RASA3: variants seen among roughly 807,000 people sequenced by gnomAD.
RASA3 encodes the protein ras GTPase-activating protein 3.
A neutral mutation model predicts 110.0 loss-of-function variants in RASA3; 73 were observed. That is an observed-to-expected ratio of 0.66 (90% CI 0.55 to 0.81). RASA3 has a LOEUF of 0.81. Ranked by LOEUF, RASA3 falls within the 30% of genes least tolerant of loss-of-function variation. RASA3 has a pLI of 0.00. For synonymous variants in RASA3, 500 were observed against 451.4 expected, an observed-to-expected ratio of 1.11 and a Z score of -1.37; for missense variants, 976 against 1,113.2, an observed-to-expected ratio of 0.88 and a Z score of 1.75.
intron 16 of RASA3, 34 bp from the exon 17 acceptor site, chr13:114,009,498 C>A: frequency 7.1e-7 from 1 of 1,412,656 alleles, no homozygotes; most frequent in Non-Finnish European, 1.0e-6. Context: ...GAGGACAGCC[C>A]GAAGTACCTC....
At chr13:114,103,519 A>C (rs1319349109) in intron 1 of RASA3, among the ~76,000 whole-genome samples, 7 of 147,096 alleles carry the variant, frequency 4.8e-5, no homozygotes, top group Non-Finnish European at 9.0e-5. Flanking sequence ...CAGCACCACC[A>C]CCCCCGATGC....
rs148432406 is a variant in RASA3 at position 114,012,388 on chromosome 13, G to A, written c.1512+754C>T. Among the ~76,000 whole-genome samples the A allele has an allele frequency of 3.0e-3, 320 of 106,880 alleles. 1 individual carries two copies. Among genetic ancestry groups the A allele is most frequent in the African/African-American group, 0.011 (299 of 27,464 alleles). 70.1% of individuals were successfully genotyped at this position (106,880 alleles called of 152,430 possible). A position where few individuals can be genotyped will look rare whatever the true frequency, so the allele number is the denominator to read the frequency against. On this transcript the variant is annotated intron_variant, in intron 15 of 23. Transcript: ENST00000334062. ...ATTCCACACACCTTCCACACTCCCC[G>A]TGCACCGTCCACACACTCCACACAC... is the stretch of plus-strand genomic sequence containing the variant.
Position 113,993,318 on chromosome 13 carries a change from G to A in RASA3, c.2142-730C>T, listed in dbSNP as rs536253351. Among the ~76,000 whole-genome samples the A allele has an allele frequency of 1.7e-3, 259 of 152,048 alleles. 1 individual carries two copies. The highest frequency in any genetic ancestry group is 4.1e-3 in the African/African-American group (170 of 41,496). ...AGCCTCCTGAGTAGCTGGGATTATA[G>A]GCACACACCACCACGCCTGGCTAAT... On this transcript the variant is annotated intron_variant, in intron 21 of 23. Transcript: ENST00000334062.
intron 3 of RASA3, among the ~76,000 whole-genome samples, chr13:114,041,455 T>G (rs1269223399): frequency 3.3e-5 from 5 of 152,268 alleles, no homozygotes; most frequent in Admixed American, 1.3e-4. Context: ...GGCTTCGCTG[T>G]GAAGGCGCGA....
intron 6 of RASA3, 130 bp downstream of exon 6, chr13:114,027,717 A>AAAGAAAAC: frequency 9.7e-7 from 1 of 1,028,524 alleles, no homozygotes; most frequent in Non-Finnish European, 1.5e-6. Flanking sequence ...AAAAGGAAGT[A>AAAGAAAAC]AAAATTCACA....
In RASA3 at chr13:114,009,398, C is replaced by T. The variant is rs866631348; in HGVS notation, c.1657G>A (p.Ala553Thr). 7 of 1,611,912 alleles carry T rather than the reference C, an allele frequency of 4.3e-6. No individual in the cohort carries two copies. In the Middle Eastern group the frequency reaches 9.9e-4, roughly 228 times the overall value. The change falls in exon 17 of 24, where the codon GCG becomes ACG. Residue 553 changes from alanine to threonine, a missense_variant. This residue lies in a region of RASA3 where 732 missense variants were observed against 779.7 expected (regional missense o/e 0.94). Transcript: ENST00000334062. ...EFFNEQKYAD[A>T]VKNFLDLISS... ...GAGTCGATACTTACGTTCTTCACCGCATCAGCATATTTCTGCTCATTGAAG... is the reference window on the plus strand; with the variant it reads ...GAGTCGATACTTACGTTCTTCACCGTATCAGCATATTTCTGCTCATTGAAG...
chr13:114,022,725 C>T (rs1211786359), intron 8 of RASA3, among the ~76,000 whole-genome samples: 7 of 152,178 alleles, frequency 4.6e-5, no homozygotes, highest in South Asian at 4.1e-4. Context: ...GCCAGGCAGG[C>T]GCATTTGCCT....
At chr13:114,103,514 C>T (rs1400496747) in intron 1 of RASA3, among the ~76,000 whole-genome samples, 2 of 151,424 alleles carry the variant, frequency 1.3e-5, no homozygotes, top group Non-Finnish European at 2.9e-5. Context: ...CGGCTCAGCA[C>T]CACCACCCCC....
At position 114,108,896 on chromosome 13, in the gene RASA3, G is replaced by C. The variant is rs1467813137; in HGVS notation, c.55+23539C>G. 3 of 152,260 alleles carry C rather than the reference G, an allele frequency of 2.0e-5. No individual in the cohort carries two copies. In the East Asian group the frequency reaches 5.8e-4, roughly 29 times the overall value. 9.4% of individuals were successfully genotyped at this position (152,260 alleles called of 1,614,324 possible). On this transcript the variant is annotated intron_variant, in intron 1 of 23. Transcript: ENST00000334062. ...AAACAGCAGAACTGGCAGCAACACA[G>C]GCATCCTGCAGTTCAGTCCACTGCA...
In RASA3 at chr13:114,088,126, G is replaced by A. The variant is rs547123689; in HGVS notation, c.56-14289C>T. On this transcript the variant is annotated intron_variant, in intron 1 of 23. Coordinates refer to ENST00000334062, the MANE Select transcript of RASA3 (RefSeq NM_007368.4). ...AGCCTGGATGACAGAGTGAGGCCCTGTCTCAAAAAAAAATAAAAGGAAAGA... is the reference window on the plus strand; with the variant it reads ...AGCCTGGATGACAGAGTGAGGCCCTATCTCAAAAAAAAATAAAAGGAAAGA... Among the ~76,000 whole-genome samples the A allele has an allele frequency of 3.8e-4, 13 of 34,452 alleles. No individual in the cohort carries two copies. In the East Asian group the frequency reaches 7.8e-3, roughly 21 times the overall value. 22.6% of individuals were successfully genotyped at this position (34,452 alleles called of 152,430 possible).
rs557005360 is a variant in RASA3, at chr13:114,057,141, G to A, written c.174-4986C>T. ...GTGAGTGTTTTGCATGTCTGATGTC[G>A]TTTATTCTAGTGGTTCCAATTGCCT... On this transcript the variant is annotated intron_variant, in intron 2 of 23. Coordinates refer to ENST00000334062, the MANE Select transcript of RASA3 (RefSeq NM_007368.4). The surrounding 1 kb of genome is among the most constrained non-coding windows in gnomAD (Gnocchi z 5.0). The A allele has an allele frequency of 3.9e-4, 364 of 930,774 alleles. 1 individual carries two copies. The Middle Eastern group carries it at 4.4e-3, about 11-fold the overall frequency. 57.7% of individuals were successfully genotyped at this position (930,774 alleles called of 1,614,324 possible).
At chr13:114,117,969 G>A (rs2080317817) in intron 1 of RASA3, among the ~76,000 whole-genome samples, 2 of 151,932 alleles carry the variant, frequency 1.3e-5, no homozygotes, top group Non-Finnish European at 2.9e-5. Flanking sequence ...GCATGCACAC[G>A]CACCTGTGTG....
At chr13:114,059,367 G>A (rs568467903) in intron 2 of RASA3, among the ~76,000 whole-genome samples, 6 of 152,362 alleles carry the variant, frequency 3.9e-5, no homozygotes, top group South Asian at 2.1e-4. Context: ...TATATGGCAC[G>A]TCTAAATGTA....
At chr13:114,060,534 G>A (rs1019126515) in intron 2 of RASA3, among the ~76,000 whole-genome samples, 3 of 152,216 alleles carry the variant, frequency 2.0e-5, no homozygotes, top group Non-Finnish European at 4.4e-5. Flanking sequence ...TCATGGGGAC[G>A]ACAGGAATTC....
At chr13:114,069,925 T>G (rs111216648) in intron 2 of RASA3, among the ~76,000 whole-genome samples, 1 of 4,648 alleles carries the variant, frequency 2.2e-4, no homozygotes, top group African/African-American at 1.0e-3. Flanking sequence ...GGTGGGAGAC[T>G]GGGGGGGTGG....
chr13:114,090,310 T>G (rs1433183770), intron 1 of RASA3, among the ~76,000 whole-genome samples: 3 of 152,248 alleles, frequency 2.0e-5, no homozygotes, highest in East Asian at 1.9e-4. Context: ...GTCTTTTTGG[T>G]TATATATTTG....
At position 114,018,180 on chromosome 13, in the gene RASA3, C is replaced by G; in HGVS notation, c.1015G>C (p.Val339Leu). Reference protein sequence around the residue: ...REKQEAAVPLVRLFLHYGRVV... With the variant: ...REKQEAAVPLLRLFLHYGRVV... ...CTGCCATAGTGTAGGAAGAGCCGCA[C>G]CAGCGGGACGGCCGCCTCCTGCTTC... is the stretch of plus-strand genomic sequence containing the variant. Residue 339 changes from valine (V) to leucine (L), a missense_variant, in exon 11 of 24, where the codon GTG becomes CTG. This residue lies in a region of RASA3 where 732 missense variants were observed against 779.7 expected (regional missense o/e 0.94). Coordinates refer to ENST00000334062, the MANE Select transcript of RASA3 (RefSeq NM_007368.4). 1 of 1,552,036 alleles carries G rather than the reference C, an allele frequency of 6.4e-7. No individual in the cohort carries two copies.
rs1258020382 is a variant in RASA3, at chr13:113,979,387, T to C, written c.2465A>G (p.Tyr822Cys). 3 of 1,607,926 alleles carry C rather than the reference T, an allele frequency of 1.9e-6. No homozygotes were observed. The highest frequency in any genetic ancestry group is 1.7e-4 in the Middle Eastern group (1 of 6,052). The part of the protein sequence containing the change: ...HPIGDKSFQN[Y>C]IRQQSETSTH... ...GGAGGTCTCGGACTGCTGCCGGATG[T>C]AGTTCTGGAAGCTCTTGTCTCCGAT... The change falls in exon 24 of 24, where the codon TAC becomes TGC. Residue 822 changes from tyrosine (Y) to cysteine (C), a missense_variant. Tyr to Cys is a radical substitution (Grantham distance 194). Around this residue, in one of 4 missense-constraint regions of RASA3, gnomAD observed 132 missense variants for 152.8 expected, o/e 0.86. Coordinates refer to ENST00000334062, the MANE Select transcript of RASA3 (RefSeq NM_007368.4).
chr13:114,053,276 G>C (rs998583861), intron 2 of RASA3, among the ~76,000 whole-genome samples: 3 of 152,256 alleles, frequency 2.0e-5, no homozygotes, highest in African/African-American at 7.2e-5. Context: ...GCCCCACAGA[G>C]GAGACTTGAA....
Sources: allele counts gnomAD v4.1 joint callset (sites outside exome capture counted in the v4.1 genomes callset), GRCh38; gene constraint gnomAD v4.1.1; regional missense constraint gnomAD v4.1.1; non-coding constraint Gnocchi (gnomAD v3.1); transcripts MANE v1.5; gene names NCBI Gene and HGNC (gene_info 2026-07-23, HGNC 2026-07-21).